Variants in INPP4B observed in about 807,000 individuals in gnomAD.
The protein encoded by INPP4B is inositol polyphosphate 4-phosphatase type II.
Under a neutral mutation model 122.5 loss-of-function variants are expected in INPP4B, and 55 were observed. The ratio of observed to expected loss-of-function variants is 0.45; its 90% CI spans 0.36 to 0.56. The LOEUF (loss-of-function observed/expected upper bound fraction) is 0.56, where lower values mean the gene tolerates loss of function less well. Ranked by LOEUF, INPP4B falls within the 20% of genes least tolerant of loss-of-function variation. The probability of loss-of-function intolerance (pLI) is 0.00; values close to 1 mark genes in which losing one functional copy is unlikely to be tolerated. For synonymous variants in INPP4B, 403 were observed against 388.7 expected (o/e 1.04, Z -0.43); for missense variants, 1,000 against 1,097.7 (o/e 0.91, Z 1.26).
intron 1 of INPP4B, among the ~76,000 whole-genome samples, chr4:142,765,305 T>C (rs541039022): frequency 9.9e-5 from 15 of 152,072 alleles, no homozygotes; most frequent in African/African-American, 3.4e-4. Context: ...TAGGTGGGGG[T>C]GGCACTGAAG....
chr4:142,693,473 T>C (rs1760520278), intron 2 of INPP4B, among the ~76,000 whole-genome samples: 1 of 111,430 alleles, frequency 9.0e-6, no homozygotes, highest in Non-Finnish European at 1.7e-5. Flanking sequence ...TATCTTAAAA[T>C]GCCTTTTTCT....
chr4:142,045,837 T>G (rs578200709), intron 25 of INPP4B, among the ~76,000 whole-genome samples: 20 of 152,234 alleles, frequency 1.3e-4, no homozygotes, highest in South Asian at 1.0e-3. Context: ...GAGATAAATT[T>G]CCTATTTTCA....
rs913123058 is a variant in INPP4B, at chr4:142,606,816, A to G, written c.-191+119023T>C. ...AGAATCACTGCAAATGACAATTTCA[A>G]TTATCTGTGGTGCATATATGTCTTT... is the stretch of plus-strand genomic sequence containing the variant. On this transcript the variant is annotated intron_variant, in intron 2 of 25. Coordinates refer to ENST00000262992, the MANE Select transcript of INPP4B (RefSeq NM_001101669.3). Among the ~76,000 whole-genome samples, 4 of 152,018 alleles carry G rather than the reference A, an allele frequency of 2.6e-5. No homozygotes were observed. In the East Asian group the frequency reaches 5.8e-4, roughly 22 times the overall value.
chr4:142,782,575 T>C lies in INPP4B; in HGVS notation c.-253-56674A>G, dbSNP rs1301027510. Among the ~76,000 whole-genome samples the C allele has an allele frequency of 3.4e-4, 51 of 151,698 alleles. 1 individual carries two copies. The East Asian group carries it at 7.3e-3, about 22-fold the overall frequency. On this transcript the variant is annotated intron_variant, in intron 1 of 25. Transcript: ENST00000262992. Reference sequence around the variant, plus strand: ...ATCTCCACACTGACTTCCACAATGGTTGAACTAGTTTACAGTCCCACCAAC... The same window carrying C: ...ATCTCCACACTGACTTCCACAATGGCTGAACTAGTTTACAGTCCCACCAAC...
chr4:142,073,364 G>C (rs976087017), intron 25 of INPP4B, among the ~76,000 whole-genome samples: 4 of 152,062 alleles, frequency 2.6e-5, no homozygotes, highest in Admixed American at 2.0e-4. Flanking sequence ...CAGGAGAAAA[G>C]CTTGCAACAT....
chr4:142,842,875 A>AAT (rs1197310327), intron 1 of INPP4B, among the ~76,000 whole-genome samples: 1 of 138,712 alleles, frequency 7.2e-6, no homozygotes, highest in African/African-American at 2.6e-5. Flanking sequence ...GATATATATA[A>AAT]ATATATATGA....
intron 2 of INPP4B, among the ~76,000 whole-genome samples, chr4:142,620,847 CA>C (rs1744751546): frequency 6.6e-6 from 1 of 151,722 alleles, no homozygotes; most frequent in Admixed American, 6.6e-5. Flanking sequence ...TAATTTTTTT[CA>C]AAGACTCACT....
chr4:142,594,919 C>CA (rs1738345480), intron 2 of INPP4B, among the ~76,000 whole-genome samples: 1 of 140,376 alleles, frequency 7.1e-6, no homozygotes, highest in Non-Finnish European at 1.5e-5. Flanking sequence ...CGCGTCACTG[C>CA]ACTCCAGCCT....
chr4:142,451,550 C>G (rs1354540325), intron 3 of INPP4B, among the ~76,000 whole-genome samples: 2 of 152,126 alleles, frequency 1.3e-5, no homozygotes, highest in African/African-American at 2.4e-5. Flanking sequence ...CGCTCCCAGC[C>G]TCAAAATAGT....
At chr4:142,239,059 C>A (rs1021221946) in intron 11 of INPP4B, among the ~76,000 whole-genome samples, 5 of 152,008 alleles carry the variant, frequency 3.3e-5, no homozygotes, top group African/African-American at 9.7e-5. Flanking sequence ...TCTCAATGTA[C>A]AGGGAAAAAT....
intron 10 of INPP4B, among the ~76,000 whole-genome samples, chr4:142,264,979 C>T (rs1407196855): frequency 2.1e-5 from 3 of 140,078 alleles, no homozygotes; most frequent in African/African-American, 3.2e-5. Context: ...TCTCTCTCTC[C>T]CTCTCTCTCC....
intron 2 of INPP4B, among the ~76,000 whole-genome samples, chr4:142,513,736 T>G (rs1825052127): frequency 6.6e-6 from 1 of 152,130 alleles, no homozygotes; most frequent in Non-Finnish European, 1.5e-5. Flanking sequence ...AGGGCACTAA[T>G]CCGATCCAGG....
At chr4:142,820,737 G>A (rs1780700774) in intron 1 of INPP4B, among the ~76,000 whole-genome samples, 1 of 152,062 alleles carries the variant, frequency 6.6e-6, no homozygotes, top group African/African-American at 2.4e-5. Context: ...TGTTGAGAAG[G>A]AAAATAGGAA....
At chr4:142,804,393 G>A (rs1778412606) in intron 1 of INPP4B, among the ~76,000 whole-genome samples, 1 of 152,122 alleles carries the variant, frequency 6.6e-6, no homozygotes, top group Admixed American at 6.5e-5. Flanking sequence ...AACAATTGAG[G>A]AATATGCCTG....
chr4:142,248,079 C>T (rs1391957966), intron 11 of INPP4B, among the ~76,000 whole-genome samples: 1 of 152,054 alleles, frequency 6.6e-6, no homozygotes, highest in Non-Finnish European at 1.5e-5. Context: ...AGGCACCTTC[C>T]ACTCCCAGGA....
chr4:142,808,264 G>T (rs1779098039), intron 1 of INPP4B, among the ~76,000 whole-genome samples: 1 of 152,120 alleles, frequency 6.6e-6, no homozygotes, highest in African/African-American at 2.4e-5. Flanking sequence ...TTCACAACAG[G>T]TGAGACTTCC....
intron 2 of INPP4B, among the ~76,000 whole-genome samples, chr4:142,564,475 G>GAAAGAAAGAAAGAAAGAAAGAAAGAAAA (rs1731198020): frequency 8.0e-6 from 1 of 124,752 alleles, no homozygotes; most frequent in East Asian, 3.0e-4. Context: ...AAGAAAGAAA[G>GAAAGAAAGAAAGAAAGAAAGAAAGAAAA]AAAAAAAAGA....
At chr4:142,649,591 C>A (rs1752509143) in intron 2 of INPP4B, among the ~76,000 whole-genome samples, 1 of 152,024 alleles carries the variant, frequency 6.6e-6, no homozygotes, top group South Asian at 2.1e-4. Flanking sequence ...TACCTGATTT[C>A]ATCAAGTGGA....
chr4:142,584,991 C>T (rs1735857249), intron 2 of INPP4B, among the ~76,000 whole-genome samples: 1 of 152,076 alleles, frequency 6.6e-6, no homozygotes, highest in African/African-American at 2.4e-5. Context: ...AAAATTCTTC[C>T]AGCTTTGACC....
Sources: gnomAD v4.1 joint callset for allele counts (sites outside exome capture counted in the v4.1 genomes callset) on GRCh38, gnomAD v4.1.1 for gene constraint, MANE v1.5 for transcripts, NCBI Gene and HGNC (gene_info 2026-07-23, HGNC 2026-07-21) for gene names.